The following KCNJ4 variants were observed in gnomAD, a reference collection of about 807,000 sequenced individuals.
KCNJ4 encodes the protein potassium inwardly rectifying channel subfamily J member 4.
KCNJ4 carries 3 observed loss-of-function variants against 25.6 expected under a neutral mutation model. The ratio of observed to expected loss-of-function variants is 0.12; its 90% CI spans 0.05 to 0.30. KCNJ4 has a LOEUF of 0.30. Among genes scored for constraint, KCNJ4 ranks in the 10% least tolerant of loss-of-function variants. The pLI, the probability that KCNJ4 is intolerant of heterozygous loss-of-function variation, is 1.00. For synonymous variants in KCNJ4, 257 were observed against 283.9 expected (o/e 0.91, Z 0.95); for missense variants, 286 against 666.8 (o/e 0.43, Z 6.29).
chr22:38,441,101 G>A (rs774186401), intron 1 of KCNJ4, among the ~76,000 whole-genome samples: 29 of 152,142 alleles, frequency 1.9e-4, no homozygotes, highest in Non-Finnish European at 2.9e-4. Context: ...CAGAGCAGAT[G>A]AGGAGGACCG....
chr22:38,430,185 TCTGAAC>T (rs1291304776), intron 1 of KCNJ4, among the ~76,000 whole-genome samples: 1 of 152,210 alleles, frequency 6.6e-6, no homozygotes, highest in Non-Finnish European at 1.5e-5. Flanking sequence ...TGTTGACTAC[TCTGAAC>T]CTCAGTTTCC....
At chr22:38,453,869 A>T (rs1167124871) in intron 1 of KCNJ4, among the ~76,000 whole-genome samples, 1 of 152,256 alleles carries the variant, frequency 6.6e-6, no homozygotes, top group South Asian at 2.1e-4. Flanking sequence ...TCCAGTTGGG[A>T]TATGGGTCAG....
Position 38,428,093 on chromosome 22 carries a change from G to A in KCNJ4, c.40C>T (p.Arg14Trp), listed in dbSNP as rs1342029902. The A allele has an allele frequency of 8.1e-6, 13 of 1,613,268 alleles. No homozygotes were observed. Among genetic ancestry groups the A allele is most frequent in the East Asian group, 2.2e-5 (1 of 44,870 alleles). ...ACGAAGCGGTTGCGGCGCTTCCGCC[G>A]GGGCACGTGGGCCTGGCCGTTGCGG... ...HSRNGQAHVP[R>W]RKRRNRFVKK... is the part of the protein sequence containing the mutation. The change falls in exon 2 of 2, where the codon CGG (arginine) becomes TGG (tryptophan). Residue 14 changes from arginine to tryptophan, a missense_variant. Physicochemically the swap from Arg to Trp is moderately radical, Grantham distance 101. Around this residue, in one of 11 missense-constraint regions of KCNJ4, gnomAD observed 32 missense variants for 38.4 expected, o/e 0.83. Coordinates refer to ENST00000303592, the MANE Select transcript of KCNJ4 (RefSeq NM_152868.3).
chr22:38,436,106 C>T (rs533784044), intron 1 of KCNJ4, among the ~76,000 whole-genome samples: 29 of 152,262 alleles, frequency 1.9e-4, no homozygotes, highest in Admixed American at 5.9e-4. Flanking sequence ...TGACCTTATG[C>T]GAGGAACTTA....
intron 1 of KCNJ4, among the ~76,000 whole-genome samples, chr22:38,431,364 C>A (rs978504080): frequency 1.3e-5 from 2 of 152,164 alleles, no homozygotes; most frequent in African/African-American, 4.8e-5. Context: ...TATCGAGTGC[C>A]CAGGGTCAAT....
At chr22:38,440,268 A>G (rs905602724) in intron 1 of KCNJ4, among the ~76,000 whole-genome samples, 4 of 149,402 alleles carry the variant, frequency 2.7e-5, no homozygotes, top group Admixed American at 6.6e-5. Flanking sequence ...TAGGCTGGGC[A>G]TGGTGGCTCA....
rs747218839 is a variant in KCNJ4 at position 38,445,975 on chromosome 22, C to T, written c.-40+9005G>A. ...GGGAAAAGTCTGTTAGACCCCCCAGCTCACAGGACCGCCACTCTGCAGCCC... is the reference window on the plus strand; with the variant it reads ...GGGAAAAGTCTGTTAGACCCCCCAGTTCACAGGACCGCCACTCTGCAGCCC... On this transcript the variant is annotated intron_variant, in intron 1 of 1. Coordinates refer to ENST00000303592, the MANE Select transcript of KCNJ4 (RefSeq NM_152868.3). Among the ~76,000 whole-genome samples the T allele has an allele frequency of 1.5e-4, 23 of 152,198 alleles. 1 individual carries two copies. Among genetic ancestry groups the T allele is most frequent in the Non-Finnish European group, 7.3e-5 (5 of 68,032 alleles).
chr22:38,433,820 G>A (rs1332109533), intron 1 of KCNJ4, among the ~76,000 whole-genome samples: 1 of 152,154 alleles, frequency 6.6e-6, no homozygotes, highest in Non-Finnish European at 1.5e-5. Context: ...ATTAGGGAGG[G>A]GCTGGAGACT....
chr22:38,431,235 G>C (rs1174441503), intron 1 of KCNJ4, among the ~76,000 whole-genome samples: 1 of 152,202 alleles, frequency 6.6e-6, no homozygotes, highest in Non-Finnish European at 1.5e-5. Flanking sequence ...TGGTGCTGCA[G>C]ACGAGATCTC....
intron 1 of KCNJ4, among the ~76,000 whole-genome samples, chr22:38,431,545 C>T (rs551447931): frequency 6.6e-6 from 1 of 152,224 alleles, no homozygotes; most frequent in African/African-American, 2.4e-5. Flanking sequence ...TGGGCCCTGT[C>T]TTGGGTTCCC....
chr22:38,446,278 G>A (rs1419147122), intron 1 of KCNJ4, among the ~76,000 whole-genome samples: 1 of 152,256 alleles, frequency 6.6e-6, no homozygotes, highest in Non-Finnish European at 1.5e-5. Flanking sequence ...GCTCTGGCAA[G>A]TGGTCCTCTC....
intron 1 of KCNJ4, among the ~76,000 whole-genome samples, chr22:38,445,010 G>C (rs2089363696): frequency 6.6e-6 from 1 of 152,156 alleles, no homozygotes; most frequent in Non-Finnish European, 1.5e-5. Flanking sequence ...AAGGGAAGCA[G>C]GTAAGTCACA....
rs570372423 is a variant in KCNJ4, at chr22:38,443,825, C to G, written c.-40+11155G>C. On this transcript the variant is annotated intron_variant, in intron 1 of 1. Coordinates refer to ENST00000303592, the MANE Select transcript of KCNJ4 (RefSeq NM_152868.3). This position sits in a 1 kb window ranked among gnomAD's most constrained non-coding sequence, Gnocchi z 4.1. ...TCCACCCACCTCCCGCAGTCCATCT[C>G]CACATCACTCCCTGCTCAGAGCTCT... Among the ~76,000 whole-genome samples, 2 of 152,190 alleles carry G rather than the reference C, an allele frequency of 1.3e-5. No individual in the cohort carries two copies. Among genetic ancestry groups the G allele is most frequent in the Non-Finnish European group, 2.9e-5 (2 of 68,040 alleles).
chr22:38,452,566 C>T lies in KCNJ4; in HGVS notation c.-40+2414G>A, dbSNP rs111502797. ...TCTCCTCGTGCAGGGGGAGCGGCGG[C>T]GGTGGTGATGTAATGCACTCGGCTT... On this transcript the variant is annotated intron_variant, in intron 1 of 1. Transcript: ENST00000303592. 8.9e-3 allele frequency among the ~76,000 whole-genome samples: 1,353 copies of T among 152,220 alleles called. 10 individuals carry two copies. The highest frequency in any genetic ancestry group is 0.014 in the Middle Eastern group (4 of 294).
chr22:38,428,565 G>A (rs374583495), intron 1 of KCNJ4, among the ~76,000 whole-genome samples: 4 of 152,046 alleles, frequency 2.6e-5, no homozygotes, highest in East Asian at 1.9e-4. Flanking sequence ...CGCTAAGCCC[G>A]CTTCCCTCCC....
chr22:38,444,367 C>A (rs1240434410), intron 1 of KCNJ4, among the ~76,000 whole-genome samples: 1 of 152,222 alleles, frequency 6.6e-6, no homozygotes, highest in East Asian at 1.9e-4. Context: ...ACACGGTAGT[C>A]AGGGAGAACT....
At chr22:38,448,421 G>A (rs1309209061) in intron 1 of KCNJ4, among the ~76,000 whole-genome samples, 2 of 152,164 alleles carry the variant, frequency 1.3e-5, no homozygotes, top group Non-Finnish European at 2.9e-5. Flanking sequence ...CAGTGGCCTA[G>A]TCAAGGTCAT....
chr22:38,431,845 G>T (rs928127358), intron 1 of KCNJ4, among the ~76,000 whole-genome samples: 6 of 152,188 alleles, frequency 3.9e-5, no homozygotes, highest in Admixed American at 1.3e-4. Flanking sequence ...GAGATGGCCA[G>T]ATTTTCTCTT....
At chr22:38,437,154 C>T (rs1001652519) in intron 1 of KCNJ4, among the ~76,000 whole-genome samples, 2 of 152,236 alleles carry the variant, frequency 1.3e-5, no homozygotes, top group Admixed American at 6.5e-5. Context: ...TGCACCCCAC[C>T]GGGCCCTCCC....
Sources: allele counts gnomAD v4.1 joint callset (sites outside exome capture counted in the v4.1 genomes callset), GRCh38; gene constraint gnomAD v4.1.1; regional missense constraint gnomAD v4.1.1; non-coding constraint Gnocchi (gnomAD v3.1); transcripts MANE v1.5; gene names NCBI Gene and HGNC (gene_info 2026-07-23, HGNC 2026-07-21).